The following TSPAN2 variants were observed in gnomAD, a reference collection of about 807,000 sequenced individuals.
TSPAN2 encodes tetraspanin-2.
In TSPAN2, 24 loss-of-function variants were observed where a neutral mutation model predicts 33.3. The observed-to-expected ratio is 0.72, with a 90% confidence interval of 0.52 to 1.01. The LOEUF (loss-of-function observed/expected upper bound fraction) is 1.01, where lower values mean the gene tolerates loss of function less well. Ranked by LOEUF, TSPAN2 falls within the 50% of genes least tolerant of loss-of-function variation. The pLI is 0.00. For synonymous variants in TSPAN2, 114 were observed against 104.5 expected, an observed-to-expected ratio of 1.09 and a Z score of -0.56; for missense variants, 278 against 281.3, an observed-to-expected ratio of 0.99 and a Z score of 0.08.
chr1:115,083,959 C>A (rs1648733762), intron 1 of TSPAN2, among the ~76,000 whole-genome samples: 1 of 152,162 alleles, frequency 6.6e-6, no homozygotes, highest in South Asian at 2.1e-4. Context: ...AGATCAAGGG[C>A]TGTGTCTTAA....
intron 4 of TSPAN2, 99 bp from the exon 5 acceptor site, chr1:115,059,080 C>A (rs1647555573): frequency 1.1e-6 from 1 of 894,776 alleles, no homozygotes; most frequent in Admixed American, 2.0e-5. Flanking sequence ...CTTTGAAAAA[C>A]ACTGCCTTTC....
intron 2 of TSPAN2, among the ~76,000 whole-genome samples, chr1:115,071,220 C>T (rs1370740685): frequency 2.0e-5 from 3 of 152,066 alleles, no homozygotes; most frequent in Non-Finnish European, 2.9e-5. Flanking sequence ...CGCTTCTTGG[C>T]CATGATTGGT....
In TSPAN2 at chr1:115,053,309, A is replaced by G. The variant is rs1157429153; in HGVS notation, c.600+70T>C. On this transcript the variant is annotated intron_variant, in intron 7 of 7. Transcript: ENST00000369516. ...CTCTCTTAAGATACTATCACACTTG[A>G]AAAGAAATAAGATGCAAAGTTTCAA... The G allele has an allele frequency of 2.2e-6, 3 of 1,395,108 alleles. No individual in the cohort carries two copies. In the East Asian group the frequency reaches 6.9e-5, roughly 32 times the overall value. The allele number at this position is 1,395,108 out of a possible 1,614,324, so 86.4% of individuals were successfully genotyped here.
At chr1:115,065,263 C>T (rs1184998582) in intron 2 of TSPAN2, among the ~76,000 whole-genome samples, 1 of 152,192 alleles carries the variant, frequency 6.6e-6, no homozygotes, top group Non-Finnish European at 1.5e-5. Context: ...CATAAGGCCA[C>T]CTGTGGCTTC....
chr1:115,083,925 CTAAA>C lies in TSPAN2; in HGVS notation c.69+5435_69+5438del, dbSNP rs1648731138. ...ATTCTAATCAAAGGCAAAATGGAGGCTAAATAAAGGCATGAGTGCCTCAAGATCA... is the reference window on the plus strand; with the variant it reads ...ATTCTAATCAAAGGCAAAATGGAGGCTAAAGGCATGAGTGCCTCAAGATCA... On this transcript the variant is annotated intron_variant, in intron 1 of 7. Transcript: ENST00000369516. Among the ~76,000 whole-genome samples, 6 of 152,282 alleles carry C rather than the reference CTAAA, an allele frequency of 3.9e-5. No individual in the cohort carries two copies. The South Asian group carries it at 1.2e-3, about 32-fold the overall frequency.
At chr1:115,061,850 C>A (rs1647737459) in intron 3 of TSPAN2, among the ~76,000 whole-genome samples, 1 of 151,984 alleles carries the variant, frequency 6.6e-6, no homozygotes, top group Non-Finnish European at 1.5e-5. Flanking sequence ...GACTAGGTCT[C>A]CCTGTGTTGC....
At chr1:115,056,097 T>C (rs138591150) in intron 6 of TSPAN2, among the ~76,000 whole-genome samples, 24 of 152,330 alleles carry the variant, frequency 1.6e-4, no homozygotes, top group African/African-American at 5.5e-4. Context: ...CTGAAAATGC[T>C]CACGACATCA....
intron 2 of TSPAN2, among the ~76,000 whole-genome samples, chr1:115,068,162 G>C (rs1249361029): frequency 6.6e-6 from 1 of 152,204 alleles, no homozygotes; most frequent in African/African-American, 2.4e-5. Flanking sequence ...AAGAGACACA[G>C]GTGGCAGTCA....
chr1:115,068,375 G>A (rs1057191443), intron 2 of TSPAN2, among the ~76,000 whole-genome samples: 1 of 152,198 alleles, frequency 6.6e-6, no homozygotes, highest in African/African-American at 2.4e-5. Context: ...CCCTTACAAA[G>A]TCTGGCAGTC....
At chr1:115,073,840 G>T (rs1191630178) in intron 1 of TSPAN2, among the ~76,000 whole-genome samples, 1 of 152,090 alleles carries the variant, frequency 6.6e-6, no homozygotes, top group Non-Finnish European at 1.5e-5. Context: ...TACTCTGAAG[G>T]CTTTTGTGAG....
intron 7 of TSPAN2, among the ~76,000 whole-genome samples, 154 bp from the exon 8 acceptor site, chr1:115,050,709 G>T (rs1675291206): frequency 6.6e-6 from 1 of 152,108 alleles, no homozygotes; most frequent in Admixed American, 6.5e-5. Flanking sequence ...ACTTAAGGTT[G>T]GCTATGGGGT....
chr1:115,057,500 T>A (rs1647478075), intron 6 of TSPAN2, 37 bp downstream of exon 6: 1 of 1,583,802 alleles, frequency 6.3e-7, no homozygotes, highest in African/African-American at 1.3e-5. Flanking sequence ...AGCAGCATGA[T>A]ACTACAGGTA....
chr1:115,087,959 A>G (rs1044473514), intron 1 of TSPAN2, among the ~76,000 whole-genome samples: 2 of 152,240 alleles, frequency 1.3e-5, no homozygotes, highest in African/African-American at 4.8e-5. Flanking sequence ...ATTCATAAGC[A>G]GTGAGAATGA....
intron 7 of TSPAN2, among the ~76,000 whole-genome samples, chr1:115,051,093 T>G (rs1675301586): frequency 6.6e-6 from 1 of 152,156 alleles, no homozygotes; most frequent in South Asian, 2.1e-4. Flanking sequence ...GAGGATCGCT[T>G]GAGCTCAGGA....
At chr1:115,079,094 C>A (rs1488553325) in intron 1 of TSPAN2, among the ~76,000 whole-genome samples, 1 of 151,780 alleles carries the variant, frequency 6.6e-6, no homozygotes, top group Non-Finnish European at 1.5e-5. Context: ...TGTATACATG[C>A]CTTCCACTGG....
At chr1:115,053,570 T>C (rs761357092) in intron 6 of TSPAN2, 108 bp from the exon 7 acceptor site, 85 of 891,964 alleles carry the variant, frequency 9.5e-5, no homozygotes, top group Non-Finnish European at 1.4e-4. Flanking sequence ...AGTTAATCCA[T>C]GCCAGCTTCT....
At chr1:115,073,526 C>CACTTCGTG (rs1553218892) in intron 1 of TSPAN2, among the ~76,000 whole-genome samples, 1 of 151,352 alleles carries the variant, frequency 6.6e-6, no homozygotes, top group Non-Finnish European at 1.5e-5. Context: ...AACCCACCCA[C>CACTTCGTG]ACCTCGTGAG....
chr1:115,050,505 T>A lies in TSPAN2; in HGVS notation c.651A>T (p.Ser217=), dbSNP rs979203369. 1 of 1,614,018 alleles carries A rather than the reference T, an allele frequency of 6.2e-7. No homozygotes were observed. The highest frequency in any genetic ancestry group is 8.5e-7 in the Non-Finnish European group (1 of 1,179,932). ...SMVLCCAIRN[S]RDVI is the part of the protein sequence containing the mutation. ...AGAAGTAGCTTCATATCACATCTCGTGAGTTTCGTATCGCACAGCAGAGGA... is the reference window on the plus strand; with the variant it reads ...AGAAGTAGCTTCATATCACATCTCGAGAGTTTCGTATCGCACAGCAGAGGA... Residue 217 remains serine (S), a synonymous_variant, in exon 8 of 8, where the codon TCA becomes TCT. Transcript: ENST00000369516.
intron 2 of TSPAN2, among the ~76,000 whole-genome samples, chr1:115,071,412 A>G (rs1332804620): frequency 6.6e-6 from 1 of 152,192 alleles, no homozygotes; most frequent in African/African-American, 2.4e-5. Flanking sequence ...CTATCTTTTA[A>G]GGGGAGATGT....
Sources: gnomAD v4.1 joint callset for allele counts (sites outside exome capture counted in the v4.1 genomes callset) on GRCh38, gnomAD v4.1.1 for gene constraint, MANE v1.5 for transcripts, NCBI Gene and HGNC (gene_info 2026-07-23, HGNC 2026-07-21) for gene names.